The following OTC variants were observed in gnomAD, a reference collection of about 807,000 sequenced individuals.
OTC encodes the protein ornithine transcarbamylase, mitochondrial.
Under a neutral mutation model 30.3 loss-of-function variants are expected in OTC, and 3 were observed. The ratio of observed to expected loss-of-function variants is 0.10; its 90% CI spans 0.05 to 0.26. The LOEUF is 0.26. Among genes scored for constraint, OTC ranks in the 10% least tolerant of loss-of-function variants. OTC has a pLI of 1.00. For missense variants in OTC, 194 were observed against 260.3 expected (o/e 0.75, Z 1.75); for synonymous variants, 111 against 99.7 (o/e 1.11, Z -0.67).
chrX:38,395,421 GCA>G (rs1362057728), intron 4 of OTC: 1 of 115,025 alleles, frequency 8.7e-6, no homozygotes, highest in Non-Finnish European at 1.9e-5. Flanking sequence ...AGTGGTACAT[GCA>G]GATGGTAGTT....
chrX:38,342,335 T>C, the OTC span, among the ~76,000 whole-genome samples: 1 of 110,988 alleles, frequency 9.0e-6, no homozygotes, highest in East Asian at 2.8e-4. Context: ...TTAATACAGC[T>C]CTGGAGTGGG....
intron 3 of OTC, among the ~76,000 whole-genome samples, chrX:38,370,511 T>G (rs2068318132): frequency 9.0e-6 from 1 of 111,623 alleles, no homozygotes; most frequent in African/African-American, 3.3e-5. Flanking sequence ...TGCTTCACTC[T>G]CATTGAAAGA....
chrX:38,420,197 C>G (rs140495561), intron 9 of OTC, among the ~76,000 whole-genome samples: 2,273 of 110,811 alleles, frequency 0.021, 65 homozygotes, highest in African/African-American at 0.069. Flanking sequence ...AGGGTTCCAA[C>G]CCAGTTCTGC....
chrX:38,396,352 A>G (rs753800698), intron 4 of OTC, among the ~76,000 whole-genome samples: 15 of 111,973 alleles, frequency 1.3e-4, no homozygotes, highest in Non-Finnish European at 1.9e-4. Context: ...ATATTTAATA[A>G]TATATTAACC....
upstream of OTC, among the ~76,000 whole-genome samples, chrX:38,351,367 A>G (rs907292288): frequency 1.8e-5 from 2 of 111,441 alleles, no homozygotes; most frequent in Non-Finnish European, 1.9e-5. Context: ...AGGCAGCCCT[A>G]CCCCTGCCCC....
chrX:38,358,095 G>A (rs5917576), intron 1 of OTC, among the ~76,000 whole-genome samples: 38,869 of 110,131 alleles, frequency 0.35, 5,772 homozygotes, highest in Middle Eastern at 0.52. Context: ...CAGGAGACTC[G>A]AATAATGCAT....
chrX:38,359,382 A>G (rs926369799), intron 1 of OTC, among the ~76,000 whole-genome samples: 1 of 110,249 alleles, frequency 9.1e-6, no homozygotes, highest in African/African-American at 3.3e-5. Flanking sequence ...AGCCTGGGCC[A>G]TACCCTATAT....
chrX:38,344,946 G>A, the OTC span, among the ~76,000 whole-genome samples: 7 of 110,472 alleles, frequency 6.3e-5, no homozygotes, highest in African/African-American at 2.0e-4. Context: ...AGTGGCTCAC[G>A]CTTGTAATCC....
the OTC span, among the ~76,000 whole-genome samples, chrX:38,344,828 A>G: frequency 8.1e-5 from 9 of 111,359 alleles, no homozygotes; most frequent in African/African-American, 2.9e-4. Context: ...ATCCAATAAA[A>G]GTGTTGTATC....
chrX:38,394,041 G>A (rs2068442339), intron 4 of OTC, among the ~76,000 whole-genome samples: 1 of 111,892 alleles, frequency 8.9e-6, no homozygotes, highest in South Asian at 3.7e-4. Flanking sequence ...CCCATCTCAA[G>A]ATCACTAACT....
At position 38,367,360 on chromosome X, in the gene OTC, C is replaced by G. The variant is rs144153859; in HGVS notation, c.147C>G (p.Thr49=). The part of the protein sequence containing the change: ...GRDLLTLKNF[T]GEEIKYMLWL... ...ACCTTCTCACTCTAAAAAACTTTAC[C>G]GGAGAAGAAATTAAATATATGCTAT... is the stretch of plus-strand genomic sequence containing the variant. Residue 49 remains threonine, a synonymous_variant, in exon 2 of 10, where the codon ACC becomes ACG. Transcript: ENST00000039007. The G allele has an allele frequency of 8.3e-7, 1 of 1,198,939 alleles. No individual in the cohort carries two copies. The highest frequency in any genetic ancestry group is 1.1e-6 in the Non-Finnish European group (1 of 884,385).
chrX:38,413,389 A>C lies in OTC; in HGVS notation c.1005+1390A>C, dbSNP rs578215285. Among the ~76,000 whole-genome samples, 10 of 111,730 alleles carry C rather than the reference A, an allele frequency of 9.0e-5. No individual in the cohort carries two copies. In the South Asian group the frequency reaches 3.8e-3, roughly 42 times the overall value. On this transcript the variant is annotated intron_variant, in intron 9 of 9. Transcript: ENST00000039007. ...AATAAGCAGGGGTTCAAGCTCAACTATGGCTGCTTGGCAGCCAACCGTGAC... is the reference window on the plus strand; with the variant it reads ...AATAAGCAGGGGTTCAAGCTCAACTCTGGCTGCTTGGCAGCCAACCGTGAC...
intron 9 of OTC, among the ~76,000 whole-genome samples, chrX:38,414,663 A>T (rs1240843452): frequency 8.9e-6 from 1 of 111,838 alleles, no homozygotes; most frequent in Admixed American, 9.5e-5. Context: ...GAGATGGCAA[A>T]TGAGTTTTAA....
chrX:38,379,636 A>AT lies in OTC; in HGVS notation c.299-1697dup, dbSNP rs61483155. Among the ~76,000 whole-genome samples, 17 of 108,470 alleles carry AT rather than the reference A, an allele frequency of 1.6e-4. No homozygotes were observed. The East Asian group carries it at 2.3e-3, about 15-fold the overall frequency. The allele number at this position is 108,470 out of a possible 115,157, so 94.2% of individuals were successfully genotyped here. ...GCTTTGTGTGGGTTTGATTTTTAAT[A>AT]TTTTTTTTTCTTTTTGGAGATGGAG... On this transcript the variant is annotated intron_variant, in intron 3 of 9. Transcript: ENST00000039007.
At chrX:38,336,742 G>C in the OTC span, among the ~76,000 whole-genome samples, 2 of 110,191 alleles carry the variant, frequency 1.8e-5, no homozygotes, top group African/African-American at 6.6e-5. Context: ...TTTGCCAAGG[G>C]GTGGGAAGAA....
At chrX:38,358,496 G>T (rs1165632567) in intron 1 of OTC, among the ~76,000 whole-genome samples, 4 of 110,791 alleles carry the variant, frequency 3.6e-5, no homozygotes, top group Admixed American at 9.7e-5. Flanking sequence ...ATGAAAAACA[G>T]CTCTTTTTCC....
intron 5 of OTC, 134 bp downstream of exon 5, chrX:38,401,562 G>C (rs2272721): frequency 1.8e-6 from 1 of 547,399 alleles, no homozygotes; most frequent in East Asian, 3.6e-5. Flanking sequence ...ATTACAGCTT[G>C]TGTGTGCATT....
At chrX:38,341,252 A>G in the OTC span, among the ~76,000 whole-genome samples, 14,762 of 111,641 alleles carry the variant, frequency 0.13, 808 homozygotes, top group South Asian at 0.17. Context: ...TCCTATTGCC[A>G]TGATGCACAT....
At chrX:38,362,479 C>T (rs2068277014) in intron 1 of OTC, among the ~76,000 whole-genome samples, 1 of 111,251 alleles carries the variant, frequency 9.0e-6, no homozygotes, top group Non-Finnish European at 1.9e-5. Context: ...CACTTGTAGT[C>T]CAAGGGAAAA....
Sources: allele counts gnomAD v4.1 joint callset (sites outside exome capture counted in the v4.1 genomes callset), GRCh38; gene constraint gnomAD v4.1.1; transcripts MANE v1.5; gene names NCBI Gene and HGNC (gene_info 2026-07-23, HGNC 2026-07-21).